Variants in NEK7 observed in about 807,000 individuals in gnomAD.
The protein encoded by NEK7 is serine/threonine-protein kinase Nek7.
Under a neutral mutation model 44.6 loss-of-function variants are expected in NEK7, and 18 were observed. The ratio of observed to expected loss-of-function variants is 0.40; its 90% CI spans 0.28 to 0.60. The LOEUF (loss-of-function observed/expected upper bound fraction) is 0.60, where lower values mean the gene tolerates loss of function less well. Ranked by LOEUF, NEK7 falls within the 20% of genes least tolerant of loss-of-function variation. The probability of loss-of-function intolerance (pLI) is 0.38; values close to 1 mark genes in which losing one functional copy is unlikely to be tolerated. For missense variants in NEK7, 256 were observed against 366.5 expected (o/e 0.70, Z 2.46); for synonymous variants, 130 against 121.1 (o/e 1.07, Z -0.48).
intron 1 of NEK7, among the ~76,000 whole-genome samples, chr1:198,226,791 G>A (rs970911651): frequency 2.6e-5 from 4 of 151,896 alleles, no homozygotes; most frequent in South Asian, 2.1e-4. Context: ...TCTCCTGAAG[G>A]CAGAAGTCTT....
chr1:198,198,273 C>T (rs1665305515), intron 1 of NEK7: 2 of 499,042 alleles, frequency 4.0e-6, no homozygotes, highest in Non-Finnish European at 7.4e-6. Context: ...GGGAACCCCC[C>T]ATGTGACCAC....
intron 9 of NEK7, among the ~76,000 whole-genome samples, chr1:198,313,588 T>C (rs1281473681): frequency 7.2e-6 from 1 of 138,194 alleles, no homozygotes; most frequent in African/African-American, 2.9e-5. Context: ...CGGTTGTTCC[T>C]TTCCATGTTT....
At chr1:198,202,214 A>G (rs1324989114) in intron 1 of NEK7, among the ~76,000 whole-genome samples, 6 of 152,260 alleles carry the variant, frequency 3.9e-5, no homozygotes, top group Admixed American at 1.3e-4. Flanking sequence ...GGCATCAATC[A>G]TCATATTAAT....
chr1:198,220,345 T>G (rs1463098027), intron 1 of NEK7, among the ~76,000 whole-genome samples: 1 of 151,952 alleles, frequency 6.6e-6, no homozygotes, highest in Non-Finnish European at 1.5e-5. Context: ...GAACCAATCA[T>G]CTCTCCAAAA....
intron 1 of NEK7, among the ~76,000 whole-genome samples, chr1:198,197,327 G>A (rs1665270119): frequency 6.6e-6 from 1 of 152,158 alleles, no homozygotes; most frequent in African/African-American, 2.4e-5. Context: ...GATAGAGAAA[G>A]AATTAATGTA....
At chr1:198,257,972 A>G (rs1473993125) in intron 3 of NEK7, among the ~76,000 whole-genome samples, 1 of 152,236 alleles carries the variant, frequency 6.6e-6, no homozygotes, top group East Asian at 1.9e-4. Context: ...ATAGCAAAAA[A>G]TAAATCAAAT....
intron 1 of NEK7, among the ~76,000 whole-genome samples, chr1:198,202,645 G>C (rs1246068429): frequency 6.6e-6 from 1 of 152,212 alleles, no homozygotes. Context: ...ATTCATGGTG[G>C]AAAGTGAAAG....
At chr1:198,182,163 ATATTTT>A (rs1185479972) in intron 1 of NEK7, among the ~76,000 whole-genome samples, 2 of 152,122 alleles carry the variant, frequency 1.3e-5, no homozygotes, top group Admixed American at 6.6e-5. Context: ...GCTGTAATGA[ATATTTT>A]TTACTTCAAG....
Position 198,299,764 on chromosome 1 carries a change from G to A in NEK7, c.798+2524G>A, listed in dbSNP as rs143116733. The stretch of plus-strand genomic sequence containing the variant: ...GAATACTAGCCATACCTGCCAGTCA[G>A]CCTCAGTTGATAGGAATCCTCAGGA... On this transcript the variant is annotated intron_variant, in intron 9 of 9. Transcript: ENST00000367385. Among the ~76,000 whole-genome samples the A allele has an allele frequency of 2.2e-3, 340 of 152,256 alleles. 2 individuals carry two copies. Among genetic ancestry groups the A allele is most frequent in the African/African-American group, 7.1e-3 (296 of 41,548 alleles).
intron 1 of NEK7, among the ~76,000 whole-genome samples, chr1:198,223,558 A>G (rs1438728225): frequency 6.6e-6 from 1 of 152,204 alleles, no homozygotes; most frequent in Non-Finnish European, 1.5e-5. Flanking sequence ...TTGTGCAGCA[A>G]GGTGAGTAGC....
At chr1:198,295,582 A>C (rs1654690436) in intron 8 of NEK7, among the ~76,000 whole-genome samples, 1 of 152,048 alleles carries the variant, frequency 6.6e-6, no homozygotes, top group Non-Finnish European at 1.5e-5. Flanking sequence ...AGATGCATGA[A>C]AATATACTAT....
chr1:198,300,539 T>C (rs1654852092), intron 9 of NEK7, among the ~76,000 whole-genome samples: 1 of 152,198 alleles, frequency 6.6e-6, no homozygotes, highest in Admixed American at 6.5e-5. Context: ...CTGACATCCT[T>C]TCTTCTCTCC....
At chr1:198,231,201 A>G (rs1186194952) in intron 1 of NEK7, among the ~76,000 whole-genome samples, 1 of 150,026 alleles carries the variant, frequency 6.7e-6, no homozygotes, top group East Asian at 1.9e-4. Context: ...AGTACACTGT[A>G]TAGTGTACTA....
chr1:198,268,390 T>C (rs946459468), intron 5 of NEK7, among the ~76,000 whole-genome samples: 8 of 152,022 alleles, frequency 5.3e-5, no homozygotes, highest in African/African-American at 1.9e-4. Flanking sequence ...GGACTTTTTT[T>C]TGACATTTCA....
At chr1:198,207,062 T>G (rs1214051778) in intron 1 of NEK7, 2 of 152,186 alleles carry the variant, frequency 1.3e-5, no homozygotes, top group African/African-American at 4.8e-5. Context: ...TTGTCACAAT[T>G]TTTATTAAAA....
At chr1:198,229,407 TAAATC>T (rs1024666986) in intron 1 of NEK7, among the ~76,000 whole-genome samples, 26 of 152,236 alleles carry the variant, frequency 1.7e-4, no homozygotes, top group Admixed American at 1.2e-3. Context: ...CTCTGGCAAA[TAAATC>T]AAACCCAGAG....
intron 1 of NEK7, among the ~76,000 whole-genome samples, chr1:198,218,891 T>C (rs773943846): frequency 2.6e-5 from 4 of 151,796 alleles, no homozygotes; most frequent in Admixed American, 2.0e-4. Flanking sequence ...GGCCCTTATT[T>C]AAAAAGTCAA....
chr1:198,278,199 G>T, intron 6 of NEK7, 130 bp downstream of exon 6: 1 of 578,004 alleles, frequency 1.7e-6, no homozygotes, highest in Non-Finnish European at 3.0e-6. Flanking sequence ...AATTATGCTA[G>T]AATGTTAAAC....
chr1:198,177,156 T>G (rs2102734273), intron 1 of NEK7, among the ~76,000 whole-genome samples: 1 of 152,308 alleles, frequency 6.6e-6, no homozygotes, highest in East Asian at 1.9e-4. Context: ...ATTTCCTTAT[T>G]ATGCTCTTTA....
Sources: gnomAD v4.1 joint callset for allele counts (sites outside exome capture counted in the v4.1 genomes callset) on GRCh38, gnomAD v4.1.1 for gene constraint, MANE v1.5 for transcripts, NCBI Gene and HGNC (gene_info 2026-07-23, HGNC 2026-07-21) for gene names.